The following STK32B variants were observed in gnomAD, a reference collection of about 807,000 sequenced individuals.
The protein encoded by STK32B is serine/threonine kinase 32B, also known as serine/threonine-protein kinase 32B.
A neutral mutation model predicts 52.6 loss-of-function variants in STK32B; 43 were observed. The ratio of observed to expected loss-of-function variants is 0.82; its 90% CI spans 0.64 to 1.05. The LOEUF (loss-of-function observed/expected upper bound fraction) is 1.05, where lower values mean the gene tolerates loss of function less well. Ranked by LOEUF, STK32B falls within the 50% of genes least tolerant of loss-of-function variation. The pLI is 0.00. For synonymous variants in STK32B, 238 were observed against 204.3 expected (o/e 1.17, Z -1.41); for missense variants, 621 against 534.6 (o/e 1.16, Z -1.59).
At chr4:5,067,313 A>G (rs1742461913) in intron 1 of STK32B, among the ~76,000 whole-genome samples, 1 of 152,168 alleles carries the variant, frequency 6.6e-6, no homozygotes, top group African/African-American at 2.4e-5. Flanking sequence ...TGGGAGCTAC[A>G]ATTCAAGATG....
intron 1 of STK32B, among the ~76,000 whole-genome samples, chr4:5,133,193 T>C (rs1184856811): frequency 6.6e-6 from 1 of 152,244 alleles, no homozygotes; most frequent in Non-Finnish European, 1.5e-5. Context: ...TTTTGTTCAC[T>C]GTTGGTTCCC....
rs145912080 is a variant in STK32B, at chr4:5,192,971, C to G, written c.260+24521C>G. ...AGGTGGAAGTGCCCAGTCCGGCCTT[C>G]GGATCGCCTCTTCTTCCTCCTGTCG... is the stretch of plus-strand genomic sequence containing the variant. On this transcript the variant is annotated intron_variant, in intron 3 of 11. Coordinates refer to ENST00000282908, the MANE Select transcript of STK32B (RefSeq NM_018401.3). Among the ~76,000 whole-genome samples, 3 of 152,300 alleles carry G rather than the reference C, an allele frequency of 2.0e-5. No homozygotes were observed. The East Asian group carries it at 5.8e-4, about 29-fold the overall frequency.
intron 2 of STK32B, among the ~76,000 whole-genome samples, chr4:5,157,894 CAAT>C (rs1338155034): frequency 2.6e-5 from 4 of 152,174 alleles, no homozygotes; most frequent in African/African-American, 7.2e-5. Context: ...GAATTCTTAA[CAAT>C]GATGCATTTA....
At chr4:5,157,053 C>T (rs147089051) in intron 2 of STK32B, among the ~76,000 whole-genome samples, 2 of 152,042 alleles carry the variant, frequency 1.3e-5, no homozygotes, top group East Asian at 3.9e-4. Context: ...TGTAACAAAT[C>T]CATTTGGGAA....
At position 5,400,165 on chromosome 4, in the gene STK32B, G is replaced by A. The variant is rs1481176578; in HGVS notation, c.472+1921G>A. Among the ~76,000 whole-genome samples, 4 of 152,160 alleles carry A rather than the reference G, an allele frequency of 2.6e-5. No individual in the cohort carries two copies. Among genetic ancestry groups the A allele is most frequent in the Non-Finnish European group, 5.9e-5 (4 of 68,032 alleles). On this transcript the variant is annotated intron_variant, in intron 5 of 11. Transcript: ENST00000282908. The surrounding 1 kb of genome is among the most constrained non-coding windows in gnomAD (Gnocchi z 6.1). Reference sequence around the variant, plus strand: ...AGGACTGCCTGGCTTCATAGTTCTGGCTCCATCCTCACAGACCTTGGCCAC... The same window carrying A: ...AGGACTGCCTGGCTTCATAGTTCTGACTCCATCCTCACAGACCTTGGCCAC...
intron 7 of STK32B, among the ~76,000 whole-genome samples, chr4:5,454,697 T>C (rs1716345216): frequency 6.6e-6 from 1 of 152,140 alleles, no homozygotes; most frequent in South Asian, 2.1e-4. Context: ...CTCCAGGATA[T>C]AGTGCCTCGG....
At chr4:5,381,868 T>C (rs1482457126) in intron 4 of STK32B, among the ~76,000 whole-genome samples, 1 of 151,914 alleles carries the variant, frequency 6.6e-6, no homozygotes, top group African/African-American at 2.4e-5. Flanking sequence ...ACAGGATGTG[T>C]GCGTATGAAG....
intron 9 of STK32B, among the ~76,000 whole-genome samples, chr4:5,465,683 T>C (rs1247167467): frequency 6.6e-6 from 1 of 152,168 alleles, no homozygotes; most frequent in African/African-American, 2.4e-5. Context: ...ATGAGGAAAC[T>C]GAGGCAGAGA....
intron 1 of STK32B, among the ~76,000 whole-genome samples, chr4:5,081,046 A>G (rs1393991433): frequency 6.6e-6 from 1 of 152,094 alleles, no homozygotes; most frequent in Non-Finnish European, 1.5e-5. Flanking sequence ...GAGATCATGG[A>G]GTATTTGTCT....
At chr4:5,259,888 G>A (rs1257929580) in intron 3 of STK32B, among the ~76,000 whole-genome samples, 2 of 152,146 alleles carry the variant, frequency 1.3e-5, no homozygotes, top group African/African-American at 4.8e-5. Context: ...GGTCAGGAAG[G>A]TTTACTGGAG....
Position 5,383,899 on chromosome 4 carries a change from T to A in STK32B, c.435-14308T>A, listed in dbSNP as rs73093862. The stretch of plus-strand genomic sequence containing the variant: ...CTGCTGTCATAGTTTTATATCCTAA[T>A]GGGGAGAGAGACACAACACGTGGAT... On this transcript the variant is annotated intron_variant, in intron 4 of 11. Transcript: ENST00000282908. Among the ~76,000 whole-genome samples, 747 of 152,156 alleles carry A rather than the reference T, an allele frequency of 4.9e-3. 5 individuals are homozygous for A. Among genetic ancestry groups the A allele is most frequent in the African/African-American group, 0.017 (686 of 41,490 alleles).
At chr4:5,373,588 A>C (rs1349051054) in intron 4 of STK32B, among the ~76,000 whole-genome samples, 1 of 152,232 alleles carries the variant, frequency 6.6e-6, no homozygotes, top group East Asian at 1.9e-4. Context: ...TTAATTATGA[A>C]TCTCATCCAA....
chr4:5,376,372 C>G (rs539816186), intron 4 of STK32B, among the ~76,000 whole-genome samples: 1 of 152,162 alleles, frequency 6.6e-6, no homozygotes, highest in African/African-American at 2.4e-5. Context: ...ACAAAAATAT[C>G]TACCTGCCAG....
At chr4:5,093,575 G>A (rs1026943248) in intron 1 of STK32B, among the ~76,000 whole-genome samples, 4 of 152,124 alleles carry the variant, frequency 2.6e-5, no homozygotes, top group African/African-American at 9.7e-5. Context: ...GGTGGGGGAA[G>A]GGGGGAGGGA....
chr4:5,387,830 C>T (rs535771958), intron 4 of STK32B, among the ~76,000 whole-genome samples: 14 of 152,176 alleles, frequency 9.2e-5, no homozygotes, highest in Non-Finnish European at 1.8e-4. Flanking sequence ...CCGCAACCTC[C>T]GCCTCCTGGG....
chr4:5,290,307 T>G (rs1174490979), intron 3 of STK32B, among the ~76,000 whole-genome samples: 1 of 149,958 alleles, frequency 6.7e-6, no homozygotes, highest in African/African-American at 2.4e-5. Flanking sequence ...TTGACTCTTT[T>G]GTAATAACAC....
chr4:5,355,883 T>TG (rs1243182133), intron 4 of STK32B, among the ~76,000 whole-genome samples: 1 of 152,206 alleles, frequency 6.6e-6, no homozygotes, highest in Admixed American at 6.5e-5. Context: ...ATAGCTGAGC[T>TG]GGAGCCCTAA....
intron 1 of STK32B, among the ~76,000 whole-genome samples, chr4:5,090,735 C>T (rs1473478563): frequency 6.6e-6 from 1 of 152,094 alleles, no homozygotes; most frequent in East Asian, 1.9e-4. Context: ...CTGCATATGG[C>T]TAGCCACTTT....
Position 5,361,611 on chromosome 4 carries a change from G to A in STK32B, c.434+30218G>A, listed in dbSNP as rs573147812. 5.6e-4 allele frequency among the ~76,000 whole-genome samples: 86 copies of A among 152,298 alleles called. No individual in the cohort carries two copies. The South Asian group carries it at 6.4e-3, about 11-fold the overall frequency. On this transcript the variant is annotated intron_variant, in intron 4 of 11. Coordinates refer to ENST00000282908, the MANE Select transcript of STK32B (RefSeq NM_018401.3). ...AACTCCTGGGCTGAAGTGATCCTCC[G>A]ACCAAGGATCAATGGCATAGGCCAT...
Sources: gnomAD v4.1 joint callset for allele counts (sites outside exome capture counted in the v4.1 genomes callset) on GRCh38, gnomAD v4.1.1 for gene constraint, Gnocchi (gnomAD v3.1) non-coding constraint, MANE v1.5 for transcripts, NCBI Gene and HGNC (gene_info 2026-07-23, HGNC 2026-07-21) for gene names.